ATP11B: variants seen among roughly 807,000 people sequenced by gnomAD.
The protein encoded by ATP11B is ATPase phospholipid transporting 11B (putative), also known as phospholipid-transporting ATPase IF.
ATP11B carries 81 observed loss-of-function variants against 157.8 expected under a neutral mutation model. The observed-to-expected ratio is 0.51, with a 90% CI of 0.43 to 0.62. The LOEUF (loss-of-function observed/expected upper bound fraction) is 0.62. Among genes scored for constraint, ATP11B ranks in the 20% least tolerant of loss-of-function variants. The pLI, the probability that ATP11B is intolerant of heterozygous loss-of-function variation, is 0.00. For synonymous variants in ATP11B, 451 were observed against 469.4 expected, an observed-to-expected ratio of 0.96 and a Z score of 0.51; for missense variants, 1,165 against 1,402.2, an observed-to-expected ratio of 0.83 and a Z score of 2.70.
intron 20 of ATP11B, 105 bp downstream of exon 20, chr3:182,879,754 ACATT>A: frequency 9.5e-7 from 1 of 1,054,176 alleles, no homozygotes. Flanking sequence ...TGCAATATAT[ACATT>A]TTGCTAGGAG....
At chr3:182,849,498 A>G (rs545581726) in intron 10 of ATP11B, among the ~76,000 whole-genome samples, 12 of 152,366 alleles carry the variant, frequency 7.9e-5, no homozygotes, top group South Asian at 6.2e-4. Context: ...AGAACTTTAA[A>G]GCAGATATTA....
intron 20 of ATP11B, 68 bp downstream of exon 20, chr3:182,879,717 T>C (rs1470162948): frequency 1.4e-6 from 2 of 1,392,650 alleles, no homozygotes; most frequent in African/African-American, 1.5e-5. Flanking sequence ...TTAAAGTTAA[T>C]GCCTTACATA....
chr3:182,902,002 G>A (rs1458013952), intron 28 of ATP11B, among the ~76,000 whole-genome samples: 1 of 151,936 alleles, frequency 6.6e-6, no homozygotes, highest in Non-Finnish European at 1.5e-5. Context: ...TCTACTCAGG[G>A]ATCTTCTAGC....
chr3:182,827,131 T>C (rs1717778884), intron 2 of ATP11B, among the ~76,000 whole-genome samples: 1 of 152,210 alleles, frequency 6.6e-6, no homozygotes, highest in Non-Finnish European at 1.5e-5. Context: ...AGGGATCTTA[T>C]ATTCTTCTGG....
chr3:182,826,589 C>A (rs530694997), intron 2 of ATP11B, among the ~76,000 whole-genome samples: 2 of 152,318 alleles, frequency 1.3e-5, no homozygotes, highest in South Asian at 4.1e-4. Flanking sequence ...TCTCTTCTTT[C>A]TAGAGCCCTA....
At chr3:182,833,264 C>G (rs1718289302) in intron 4 of ATP11B, among the ~76,000 whole-genome samples, 1 of 152,026 alleles carries the variant, frequency 6.6e-6, no homozygotes, top group Non-Finnish European at 1.5e-5. Context: ...TAAAAGAAGT[C>G]TGAATAATAT....
At chr3:182,838,185 A>G (rs1252910531) in intron 7 of ATP11B, among the ~76,000 whole-genome samples, 1 of 152,092 alleles carries the variant, frequency 6.6e-6, no homozygotes, top group Non-Finnish European at 1.5e-5. Flanking sequence ...AATGCAGTAT[A>G]GAATTTGCCA....
At chr3:182,900,463 A>G (rs1012894673) in intron 28 of ATP11B, among the ~76,000 whole-genome samples, 4 of 152,202 alleles carry the variant, frequency 2.6e-5, no homozygotes, top group African/African-American at 9.6e-5. Context: ...AAATGGGGCT[A>G]AAACAATTTG....
intron 10 of ATP11B, among the ~76,000 whole-genome samples, chr3:182,849,914 G>A (rs889715526): frequency 1.3e-5 from 2 of 151,964 alleles, no homozygotes; most frequent in African/African-American, 2.4e-5. Flanking sequence ...CTCTAAGCAG[G>A]AAAAATATAA....
At chr3:182,909,280 A>C (rs892842105) in intron 28 of ATP11B, among the ~76,000 whole-genome samples, 3 of 152,210 alleles carry the variant, frequency 2.0e-5, no homozygotes, top group Non-Finnish European at 4.4e-5. Context: ...CATTTTTATT[A>C]TCTGTGCATA....
chr3:182,859,686 G>A (rs1018754057), intron 12 of ATP11B, among the ~76,000 whole-genome samples: 7 of 151,888 alleles, frequency 4.6e-5, no homozygotes, highest in Admixed American at 1.3e-4. Context: ...CACAATTTGG[G>A]ATTTAATAAA....
intron 10 of ATP11B, among the ~76,000 whole-genome samples, chr3:182,857,148 G>A (rs1235924334): frequency 6.6e-6 from 1 of 152,022 alleles, no homozygotes; most frequent in Non-Finnish European, 1.5e-5. Flanking sequence ...GTTTTTGTTT[G>A]TTTGTTTGTT....
chr3:182,795,133 T>A (rs535469135), intron 1 of ATP11B, among the ~76,000 whole-genome samples: 1 of 152,306 alleles, frequency 6.6e-6, no homozygotes, highest in Admixed American at 6.5e-5. Flanking sequence ...ATCCCAGATA[T>A]ATGCTTTATT....
At chr3:182,825,588 TG>T (rs1463945951) in intron 2 of ATP11B, among the ~76,000 whole-genome samples, 2 of 152,068 alleles carry the variant, frequency 1.3e-5, no homozygotes, top group Admixed American at 6.6e-5. Context: ...CCAGGTGTGG[TG>T]GCGGTTGCCT....
At chr3:182,878,927 A>G (rs916105579) in intron 19 of ATP11B, among the ~76,000 whole-genome samples, 3 of 152,306 alleles carry the variant, frequency 2.0e-5, no homozygotes, top group Non-Finnish European at 1.5e-5. Context: ...ATGTATTACA[A>G]TTCACATTTT....
rs1220320310 is a variant in ATP11B, at chr3:182,870,203, G to A, written c.1866+872G>A. On this transcript the variant is annotated intron_variant, in intron 17 of 29. Transcript: ENST00000323116. ...ATGCGATATAACACTGATTTGTACTGTTTGAAGAGGTGAATTATATCTCTC... is the reference window on the plus strand; with the variant it reads ...ATGCGATATAACACTGATTTGTACTATTTGAAGAGGTGAATTATATCTCTC... Among the ~76,000 whole-genome samples the A allele has an allele frequency of 2.0e-5, 3 of 152,188 alleles. No homozygotes were observed. In the East Asian group the frequency reaches 5.8e-4, roughly 29 times the overall value.
Position 182,860,153 on chromosome 3 carries a change from T to C in ATP11B, c.1200+794T>C, listed in dbSNP as rs138729390. On this transcript the variant is annotated intron_variant, in intron 12 of 29. Coordinates refer to ENST00000323116, the MANE Select transcript of ATP11B (RefSeq NM_014616.3). ...TCTTCCTACCTGTGGCTTATTCTCT[T>C]TTGGTGCTGTACATCTTCTAATAAC... is the stretch of plus-strand genomic sequence containing the variant. 2.8e-3 allele frequency among the ~76,000 whole-genome samples: 430 copies of C among 152,306 alleles called. 3 individuals are homozygous for C. Among genetic ancestry groups the C allele is most frequent in the Middle Eastern group, 0.01 (3 of 294 alleles).
Position 182,918,108 on chromosome 3 carries a change from G to C in ATP11B, c.*4G>C. 6.2e-7 allele frequency: 1 copy of C among 1,612,500 alleles called. No homozygotes were observed. On this transcript the variant is annotated 3_prime_UTR_variant, in exon 30 of 30. Coordinates refer to ENST00000323116, the MANE Select transcript of ATP11B (RefSeq NM_014616.3). Reference sequence around the variant, plus strand: ...AATGGACTCATCTACTTGTTAAAGGGGCAGTAGTACTTTGTGGGAGCCAGT... The same window carrying C: ...AATGGACTCATCTACTTGTTAAAGGCGCAGTAGTACTTTGTGGGAGCCAGT...
At chr3:182,849,072 T>G (rs937066696) in intron 10 of ATP11B, among the ~76,000 whole-genome samples, 2 of 152,182 alleles carry the variant, frequency 1.3e-5, no homozygotes, top group African/African-American at 2.4e-5. Context: ...GCTGGAAAGT[T>G]AGGGGAAAAT....
Sources: allele counts gnomAD v4.1 joint callset (sites outside exome capture counted in the v4.1 genomes callset), GRCh38; gene constraint gnomAD v4.1.1; transcripts MANE v1.5; gene names NCBI Gene and HGNC (gene_info 2026-07-23, HGNC 2026-07-21).